PHF24: variants seen among roughly 807,000 people sequenced by gnomAD.
PHF24 encodes Galpha inhibitory interacting protein.
PHF24 carries 25 observed loss-of-function variants against 42.6 expected under a neutral mutation model. That is an observed-to-expected ratio of 0.59 (90% confidence interval 0.43 to 0.82). PHF24 has a LOEUF of 0.82. Among genes scored for constraint, PHF24 ranks in the 40% least tolerant of loss-of-function variants. The pLI, the probability that PHF24 is intolerant of heterozygous loss-of-function variation, is 0.00. For missense variants in PHF24, 470 were observed against 538.1 expected, an observed-to-expected ratio of 0.87 and a Z score of 1.25; for synonymous variants, 185 against 204.8, an observed-to-expected ratio of 0.90 and a Z score of 0.83.
chr9:34,951,470 G>A, the PHF24 span, among the ~76,000 whole-genome samples: 1 of 152,178 alleles, frequency 6.6e-6, no homozygotes, highest in Admixed American at 6.6e-5. Flanking sequence ...AACAATAGAA[G>A]TCAGAGTGAT....
chr9:34,699,736 T>C, the PHF24 span, among the ~76,000 whole-genome samples: 3 of 152,302 alleles, frequency 2.0e-5, no homozygotes, highest in South Asian at 2.1e-4. Flanking sequence ...TCAATAAATA[T>C]TTATTGAGGG....
chr9:34,690,489 G>T, the PHF24 span: 1 of 726,908 alleles, frequency 1.4e-6, no homozygotes, highest in Non-Finnish European at 2.3e-6. Context: ...TCGGGGAGGA[G>T]TTAGACCTGG....
chr9:34,677,274 A>C, the PHF24 span, among the ~76,000 whole-genome samples: 236 of 150,986 alleles, frequency 1.6e-3, 1 homozygote, highest in African/African-American at 5.5e-3. Flanking sequence ...TCCAACTGCC[A>C]CCACCTAGGT....
the PHF24 span, among the ~76,000 whole-genome samples, chr9:34,746,416 AAGATTAC>A: frequency 1.3e-5 from 2 of 152,308 alleles, no homozygotes; most frequent in Non-Finnish European, 2.9e-5. Flanking sequence ...ACCTAAACAA[AAGATTAC>A]CAAACTAAAT....
chr9:34,840,041 A>T, the PHF24 span, among the ~76,000 whole-genome samples: 1 of 152,216 alleles, frequency 6.6e-6, no homozygotes. Flanking sequence ...AATGCAGTCT[A>T]TCTTTAGCAG....
chr9:34,680,055 TGTG>T, the PHF24 span, among the ~76,000 whole-genome samples: 1 of 152,116 alleles, frequency 6.6e-6, no homozygotes, highest in Non-Finnish European at 1.5e-5. Context: ...CTGCTAAATT[TGTG>T]GTGATTTATT....
the PHF24 span, among the ~76,000 whole-genome samples, chr9:34,810,015 G>GCGC: frequency 1.3e-3 from 187 of 145,708 alleles, no homozygotes; most frequent in Non-Finnish European, 2.2e-3. Flanking sequence ...CGCCGCCCAC[G>GCGC]CGCCGCCGCC....
the PHF24 span, among the ~76,000 whole-genome samples, chr9:34,838,833 A>G: frequency 6.6e-6 from 1 of 152,170 alleles, no homozygotes; most frequent in Non-Finnish European, 1.5e-5. Flanking sequence ...TCCTCAGAAA[A>G]CTGAGTGCTT....
chr9:34,977,159 G>A, exon 6 of PHF24: 2 of 1,613,880 alleles, frequency 1.2e-6, no homozygotes, highest in Non-Finnish European at 1.7e-6. Flanking sequence ...GGCAGTGGGA[G>A]CACCGTCAGT....
the PHF24 span, among the ~76,000 whole-genome samples, chr9:34,735,414 C>T: frequency 3.3e-5 from 5 of 151,322 alleles, no homozygotes; most frequent in South Asian, 6.3e-4. Context: ...GAATTACAAG[C>T]GTGAGCCACC....
chr9:34,724,516 A>G, the PHF24 span: 2 of 1,551,208 alleles, frequency 1.3e-6, no homozygotes, highest in African/African-American at 2.7e-5. Flanking sequence ...TCCTTGCCCT[A>G]ATGGGAATTC....
the PHF24 span, among the ~76,000 whole-genome samples, chr9:34,742,184 A>G: frequency 7.9e-5 from 12 of 152,216 alleles, no homozygotes; most frequent in Non-Finnish European, 1.8e-4. Context: ...TACAGCGCAA[A>G]TATGCCCAGA....
chr9:34,895,011 T>C, the PHF24 span: 83,423 of 398,030 alleles, frequency 0.21, 9,895 homozygotes, highest in East Asian at 0.46. Flanking sequence ...ACAGCAGAAG[T>C]GAATTAGAGG....
At chr9:34,910,114 T>C in the PHF24 span, among the ~76,000 whole-genome samples, 1 of 152,210 alleles carries the variant, frequency 6.6e-6, no homozygotes, top group African/African-American at 2.4e-5. Flanking sequence ...ATAATAACTC[T>C]CTGTTGTATG....
At chr9:34,690,116 G>A in the PHF24 span, 6 of 1,587,390 alleles carry the variant, frequency 3.8e-6, no homozygotes, top group Non-Finnish European at 5.2e-6. Flanking sequence ...CCTTGAAGGG[G>A]TTGGGCTTGG....
the PHF24 span, among the ~76,000 whole-genome samples, chr9:34,931,933 A>G: frequency 6.6e-6 from 1 of 152,270 alleles, no homozygotes; most frequent in African/African-American, 2.4e-5. Flanking sequence ...AACTTGTTTC[A>G]GGGTTATATT....
At chr9:34,912,219 T>C in the PHF24 span, among the ~76,000 whole-genome samples, 1,057 of 152,284 alleles carry the variant, frequency 6.9e-3, 9 homozygotes, top group Non-Finnish European at 0.011. Flanking sequence ...AAAATGCCTC[T>C]GAAGTAGGAA....
chr9:34,828,847 G>T, the PHF24 span, among the ~76,000 whole-genome samples: 2 of 151,258 alleles, frequency 1.3e-5, no homozygotes, highest in Non-Finnish European at 3.0e-5. Flanking sequence ...GAGTGTCCTA[G>T]CCCAGTCTTT....
the PHF24 span, among the ~76,000 whole-genome samples, chr9:34,923,997 G>A: frequency 6.6e-6 from 1 of 151,900 alleles, no homozygotes; most frequent in African/African-American, 2.4e-5. Flanking sequence ...ATTTTGGTAT[G>A]TTGTTTCCAT....
Sources: allele counts gnomAD v4.1 joint callset (sites outside exome capture counted in the v4.1 genomes callset), GRCh38; gene constraint gnomAD v4.1.1; transcripts MANE v1.5; gene names NCBI Gene and HGNC (gene_info 2026-07-23, HGNC 2026-07-21).